Variants in PDE6A observed in about 807,000 individuals in gnomAD.
PDE6A encodes rod cGMP-specific 3',5'-cyclic phosphodiesterase subunit alpha.
A neutral mutation model predicts 106.3 loss-of-function variants in PDE6A; 84 were observed. The observed-to-expected ratio is 0.79, with a 90% confidence interval of 0.66 to 0.95. The LOEUF (loss-of-function observed/expected upper bound fraction) is 0.95, where lower values mean the gene tolerates loss of function less well. PDE6A is among the 40% of genes least tolerant of loss of function. The pLI, the probability that PDE6A is intolerant of heterozygous loss-of-function variation, is 0.00. For missense variants in PDE6A, 1,052 were observed against 1,084.9 expected, an observed-to-expected ratio of 0.97 and a Z score of 0.43; for synonymous variants, 394 against 386.6, an observed-to-expected ratio of 1.02 and a Z score of -0.23.
intron 17 of PDE6A, among the ~76,000 whole-genome samples, chr5:149,870,946 G>GGAA (rs1760524636): frequency 6.8e-6 from 1 of 147,790 alleles, no homozygotes; most frequent in African/African-American, 2.5e-5. Context: ...GAGAAGAGAA[G>GGAA]AGAAAAGAAA....
chr5:149,874,325 T>A (rs118124168), intron 17 of PDE6A, among the ~76,000 whole-genome samples: 1 of 152,316 alleles, frequency 6.6e-6, no homozygotes, highest in East Asian at 1.9e-4. Context: ...GCAACAAAGT[T>A]GAAATGTGTC....
chr5:149,906,250 G>A (rs1753175498), intron 7 of PDE6A, among the ~76,000 whole-genome samples: 1 of 151,736 alleles, frequency 6.6e-6, no homozygotes, highest in South Asian at 2.1e-4. Flanking sequence ...TTGAGGATGA[G>A]CATGGTGGTT....
chr5:149,868,991 T>C (rs1391785505), intron 17 of PDE6A, among the ~76,000 whole-genome samples: 2 of 151,902 alleles, frequency 1.3e-5, no homozygotes, highest in Non-Finnish European at 1.5e-5. Context: ...AAACATATGG[T>C]GTAAAGAGAA....
At position 149,914,818 on chromosome 5, in the gene PDE6A, C is replaced by A. The variant is rs111297579; in HGVS notation, c.998+125G>T. The A allele has an allele frequency of 6.6e-6, 5 of 752,898 alleles. 1 individual carries two copies. Among genetic ancestry groups the A allele is most frequent in the South Asian group, 1.4e-5 (1 of 69,204 alleles). The allele number at this position is 752,898 out of a possible 1,614,324, so 46.6% of individuals were successfully genotyped here. A position where few individuals can be genotyped will look rare whatever the true frequency, so the allele number is the denominator to read the frequency against. ...AGTCCTTCTCTGTCTATAAAGTCAA[C>A]CTTGTCAGAACACTTATGTATTTTA... On this transcript the variant is annotated intron_variant, in intron 6 of 21. Transcript: ENST00000255266.
At chr5:149,904,033 T>C (rs2113608909) in intron 7 of PDE6A, among the ~76,000 whole-genome samples, 1 of 152,320 alleles carries the variant, frequency 6.6e-6, no homozygotes, top group Admixed American at 6.5e-5. Context: ...CCATGGTCTT[T>C]AAGTTAATAT....
chr5:149,896,611 A>T, intron 11 of PDE6A, 100 bp downstream of exon 11: 1 of 1,613,738 alleles, frequency 6.2e-7, no homozygotes, highest in African/African-American at 1.3e-5. Flanking sequence ...ATCAGAACAG[A>T]GTGATGGGGA....
At chr5:149,888,123 A>G (rs1006257612) in intron 13 of PDE6A, among the ~76,000 whole-genome samples, 1 of 152,202 alleles carries the variant, frequency 6.6e-6, no homozygotes, top group African/African-American at 2.4e-5. Context: ...TGTGTGACAG[A>G]GCAAGATCAT....
chr5:149,934,440 A>G (rs1394746558), intron 2 of PDE6A, 126 bp downstream of exon 2: 1 of 903,576 alleles, frequency 1.1e-6, no homozygotes, highest in Non-Finnish European at 1.9e-6. Context: ...CTCAGAGAAC[A>G]TCAGGTGAAT....
intron 21 of PDE6A, among the ~76,000 whole-genome samples, chr5:149,862,838 G>A (rs1445889669): frequency 1.3e-5 from 2 of 152,196 alleles, no homozygotes; most frequent in African/African-American, 4.8e-5. Flanking sequence ...AGGGACATAT[G>A]TCCACAGCCC....
chr5:149,906,385 G>A (rs1753180316), intron 7 of PDE6A, among the ~76,000 whole-genome samples: 1 of 151,420 alleles, frequency 6.6e-6, no homozygotes, highest in East Asian at 2.0e-4. Context: ...AATTAGCTGG[G>A]TGTGGTGGTG....
At position 149,860,637 on chromosome 5, in the gene PDE6A, A is replaced by T. The variant is rs902574369; in HGVS notation, c.*258T>A. 18 of 347,702 alleles carry T rather than the reference A, an allele frequency of 5.2e-5. No homozygotes were observed. The highest frequency in any genetic ancestry group is 2.1e-4 in the African/African-American group (10 of 46,768). 21.5% of individuals were successfully genotyped at this position (347,702 alleles called of 1,614,324 possible). On this transcript the variant is annotated 3_prime_UTR_variant, in exon 22 of 22. Transcript: ENST00000255266. Reference sequence around the variant, plus strand: ...ATAAACTTTCTTAAAACATTATGAAATTTTTTTTTTTGGCGATTTTTTTTT... The same window carrying T: ...ATAAACTTTCTTAAAACATTATGAATTTTTTTTTTTTGGCGATTTTTTTTT...
At chr5:149,872,697 A>G (rs546116227) in intron 17 of PDE6A, among the ~76,000 whole-genome samples, 3 of 152,136 alleles carry the variant, frequency 2.0e-5, no homozygotes, top group Admixed American at 2.0e-4. Context: ...CCTGCCGGGG[A>G]AGGCCTTGGA....
At position 149,872,447 on chromosome 5, in the gene PDE6A, A is replaced by AC. The variant is rs909599989; in HGVS notation, c.2136-4290dup. On this transcript the variant is annotated intron_variant, in intron 17 of 21. Coordinates refer to ENST00000255266, the MANE Select transcript of PDE6A (RefSeq NM_000440.3). ...ATTCATCTCACTCACGTTCTGGGTC[A>AC]CCCTCGTGTGTAGAGCTCTCAAAAG... Among the ~76,000 whole-genome samples the AC allele has an allele frequency of 5.2e-4, 79 of 152,116 alleles. 1 individual carries two copies. Among genetic ancestry groups the AC allele is most frequent in the Non-Finnish European group, 9.1e-4 (62 of 68,000 alleles).
At position 149,896,405 on chromosome 5, in the gene PDE6A, T is replaced by C; in HGVS notation, c.1571A>G (p.Gln524Arg). The C allele has an allele frequency of 1.9e-6, 3 of 1,614,168 alleles. No homozygotes were observed. Among genetic ancestry groups the C allele is most frequent in the Non-Finnish European group, 2.5e-6 (3 of 1,179,982 alleles). The change falls in exon 12 of 22, where the codon CAG becomes CGG. Residue 524 changes from glutamine (Q) to arginine (R), a missense_variant. Transcript: ENST00000255266. ...CACCACTTTGAGCTCATAATACATC[T>C]GTATTCCACATTTTACCAGCTCCAG... The part of the protein sequence containing the change: ...TELELVKCGI[Q>R]MYYELKVVDK...
At chr5:149,893,261 G>A (rs1019477113) in intron 13 of PDE6A, among the ~76,000 whole-genome samples, 19 of 152,088 alleles carry the variant, frequency 1.2e-4, no homozygotes, top group Admixed American at 3.3e-4. Flanking sequence ...AAACTTTAGG[G>A]CCTTGAGTCT....
At chr5:149,879,565 T>G in intron 17 of PDE6A, among the ~76,000 whole-genome samples, 1 of 112,294 alleles carries the variant, frequency 8.9e-6, no homozygotes, top group Non-Finnish European at 1.8e-5. Flanking sequence ...CCCAATGCTA[T>G]CCCTCCCCCC....
Position 149,907,326 on chromosome 5 carries a change from C to A in PDE6A, c.1051G>T (p.Ala351Ser), listed in dbSNP as rs768196089. 17 of 1,613,480 alleles carry A rather than the reference C, an allele frequency of 1.1e-5. No individual in the cohort carries two copies. In the African/African-American group the frequency reaches 2.3e-4, roughly 22 times the overall value. The change falls in exon 7 of 22, where the codon GCC becomes TCC. Residue 351 changes from alanine to serine, a missense_variant. Physicochemically the swap from Ala to Ser is moderately conservative, Grantham distance 99 (BLOSUM62 1). Coordinates refer to ENST00000255266, the MANE Select transcript of PDE6A (RefSeq NM_000440.3). ...ATATTACTTACCAGGCCATTCTGGG[C>A]AACATAAGCTGGGAGACCGCTTACT... is the stretch of plus-strand genomic sequence containing the variant. Reference protein sequence around the residue: ...ALVSGLPAYVAQNGLICNIMN... With the variant: ...ALVSGLPAYVSQNGLICNIMN...
At chr5:149,928,513 G>A (rs1753937717) in intron 4 of PDE6A, among the ~76,000 whole-genome samples, 1 of 151,890 alleles carries the variant, frequency 6.6e-6, no homozygotes, top group African/African-American at 2.4e-5. Context: ...TGGGATTACA[G>A]GCGTGAGCCA....
At chr5:149,940,505 C>CTTT (rs56930344) in intron 1 of PDE6A, among the ~76,000 whole-genome samples, 1 of 142,018 alleles carries the variant, frequency 7.0e-6, no homozygotes, top group African/African-American at 2.7e-5. Context: ...TGTTTGAATC[C>CTTT]TTTTTTTTTT....
Sources: allele counts gnomAD v4.1 joint callset (sites outside exome capture counted in the v4.1 genomes callset), GRCh38; gene constraint gnomAD v4.1.1; transcripts MANE v1.5; gene names NCBI Gene and HGNC (gene_info 2026-07-23, HGNC 2026-07-21).